The following ZNF69 variants were observed in gnomAD, a reference collection of about 807,000 sequenced individuals.
The protein encoded by ZNF69 is zinc finger protein 69, also known as ZNF3.
In ZNF69, 47 loss-of-function variants were observed where a neutral mutation model predicts 50.9. That is an observed-to-expected ratio of 0.92 (90% CI 0.73 to 1.18). The LOEUF (loss-of-function observed/expected upper bound fraction) is 1.18, where lower values mean the gene tolerates loss of function less well. ZNF69 is among the 50% of genes most tolerant of loss of function. The pLI is 0.00. For synonymous variants in ZNF69, 216 were observed against 223.1 expected, an observed-to-expected ratio of 0.97 and a Z score of 0.29; for missense variants, 717 against 675.1, an observed-to-expected ratio of 1.06 and a Z score of -0.69.
intron 1 of ZNF69, among the ~76,000 whole-genome samples, chr19:11,890,044 T>C (rs527675719): frequency 6.6e-6 from 1 of 152,340 alleles, no homozygotes; most frequent in African/African-American, 2.4e-5. Flanking sequence ...AGGGCGGTTT[T>C]CTCCTATTTC....
the ZNF69 span, among the ~76,000 whole-genome samples, chr19:11,970,175 A>G: frequency 6.6e-6 from 1 of 152,176 alleles, no homozygotes. Flanking sequence ...TGCCAATCGG[A>G]TGTTGCTAAT....
the ZNF69 span, among the ~76,000 whole-genome samples, chr19:11,958,338 G>C: frequency 1.3e-5 from 2 of 152,242 alleles, no homozygotes; most frequent in Non-Finnish European, 1.5e-5. Context: ...AGGGCTTTGA[G>C]TGGCATCTGC....
chr19:11,948,607 G>A, the ZNF69 span: 1 of 1,610,410 alleles, frequency 6.2e-7, no homozygotes. Flanking sequence ...GAAACCCTAT[G>A]CTTGTAAAGT....
At chr19:11,897,871 CA>C (rs564395635) in intron 1 of ZNF69, among the ~76,000 whole-genome samples, 904 of 63,340 alleles carry the variant, frequency 0.014, 3 homozygotes, top group African/African-American at 0.042. Flanking sequence ...GACTCCATCT[CA>C]AAAAAAAAAA....
the ZNF69 span, among the ~76,000 whole-genome samples, chr19:11,933,648 C>T: frequency 6.8e-6 from 1 of 147,958 alleles, no homozygotes; most frequent in Non-Finnish European, 1.5e-5. Context: ...TTCAGACTTG[C>T]TTCCTCGATG....
chr19:11,927,296 G>A, the ZNF69 span, among the ~76,000 whole-genome samples: 1 of 152,002 alleles, frequency 6.6e-6, no homozygotes, highest in African/African-American at 2.4e-5. Flanking sequence ...AGAGGTTGCA[G>A]CCCAGCCGAG....
At chr19:11,979,765 T>C in the ZNF69 span, 11 of 1,585,378 alleles carry the variant, frequency 6.9e-6, no homozygotes, top group African/African-American at 1.4e-5. Flanking sequence ...TTCGAATCCA[T>C]GGTAGAACTC....
the ZNF69 span, among the ~76,000 whole-genome samples, chr19:11,977,829 G>C: frequency 1.3e-5 from 2 of 152,168 alleles, no homozygotes; most frequent in South Asian, 4.1e-4. Context: ...CTGTACTCCA[G>C]GATGGTCACA....
At chr19:11,899,131 A>G (rs73506871) in intron 1 of ZNF69, among the ~76,000 whole-genome samples, 7,488 of 151,990 alleles carry the variant, frequency 0.049, 590 homozygotes, top group African/African-American at 0.16. Context: ...ACCCCTATTT[A>G]TCCCTGGCAA....
chr19:11,965,332 C>T, the ZNF69 span: 5 of 1,391,504 alleles, frequency 3.6e-6, 1 homozygote, highest in South Asian at 4.9e-5. Context: ...ACCGAGTCCT[C>T]CTGGAGCTGC....
chr19:11,934,985 G>C, the ZNF69 span, among the ~76,000 whole-genome samples: 37 of 146,616 alleles, frequency 2.5e-4, no homozygotes, highest in Middle Eastern at 3.4e-3. Flanking sequence ...AGACCATCCT[G>C]GCTAACACTG....
chr19:11,905,187 C>G lies in ZNF69; in HGVS notation c.790C>G (p.Arg264Gly). The G allele has an allele frequency of 6.2e-7, 1 of 1,614,016 alleles. No homozygotes were observed. Among genetic ancestry groups the G allele is most frequent in the African/African-American group, 1.3e-5 (1 of 75,012 alleles). Residue 264 changes from arginine (R) to glycine (G), a missense_variant, in exon 4 of 4, where the codon CGA (arginine) becomes GGA (glycine). Arg to Gly is a moderately radical substitution (Grantham distance 125, BLOSUM62 -2). Coordinates refer to ENST00000429654, the MANE Select transcript of ZNF69 (RefSeq NM_001364730.1). ...ATCCTTTAGTTATTCTGCTACCCTTCGAATACACGAAAGAACTCACACTGG... is the reference window on the plus strand; with the variant it reads ...ATCCTTTAGTTATTCTGCTACCCTTGGAATACACGAAAGAACTCACACTGG... ...GKSFSYSATL[R>G]IHERTHTGEK...
chr19:11,906,016 G>A lies in ZNF69; in HGVS notation c.1619G>A (p.Gly540Glu). The A allele has an allele frequency of 6.2e-7, 1 of 1,613,992 alleles. No homozygotes were observed. Among genetic ancestry groups the A allele is most frequent in the Non-Finnish European group, 8.5e-7 (1 of 1,180,002 alleles). Residue 540 changes from glycine to glutamate, a missense_variant, in exon 4 of 4, where the codon GGG (glycine) becomes GAG (glutamate). Transcript: ENST00000429654. ...GEKPYKCKQC[G>E]KAFRAASVLR... ...AAACCCTATAAATGCAAGCAATGTG[G>A]GAAAGCCTTCAGAGCTGCCTCAGTC...
At chr19:11,898,301 G>A (rs1310869258) in intron 1 of ZNF69, among the ~76,000 whole-genome samples, 1 of 150,306 alleles carries the variant, frequency 6.7e-6, no homozygotes. Flanking sequence ...TTATTATTTA[G>A]AACAGTGGTT....
chr19:11,939,587 C>A, the ZNF69 span, among the ~76,000 whole-genome samples: 2 of 152,104 alleles, frequency 1.3e-5, no homozygotes, highest in Non-Finnish European at 2.9e-5. Context: ...TGGTCTATAT[C>A]TCTGTTTTGG....
In ZNF69 at chr19:11,905,746, G is replaced by A; in HGVS notation, c.1349G>A (p.Gly450Glu). 1 of 1,612,874 alleles carries A rather than the reference G, an allele frequency of 6.2e-7. No individual in the cohort carries two copies. The highest frequency in any genetic ancestry group is 1.1e-5 in the South Asian group (1 of 91,022). The change falls in exon 4 of 4, where the codon GGG becomes GAG. Residue 450 changes from glycine (G) to glutamate (E), a missense_variant. Coordinates refer to ENST00000429654, the MANE Select transcript of ZNF69 (RefSeq NM_001364730.1). The stretch of plus-strand genomic sequence containing the variant: ...AAGCCCTATGAATGTCAGGAATGTG[G>A]GAAAGCCTTCAGATCTATGAAGAAC... ...GEKPYECQEC[G>E]KAFRSMKNLQ...
At chr19:11,963,074 T>TGAGA in the ZNF69 span, among the ~76,000 whole-genome samples, 2 of 134,384 alleles carry the variant, frequency 1.5e-5, no homozygotes, top group South Asian at 2.2e-4. Flanking sequence ...GGTAGTTTGG[T>TGAGA]GAGAGAGAGA....
At chr19:11,913,709 A>G in exon 5 of ZNF69, 1 of 213,014 alleles carries the variant, frequency 4.7e-6, no homozygotes, top group Non-Finnish European at 9.2e-6. Flanking sequence ...TTTTTCATTC[A>G]GTCATAATAC....
the ZNF69 span, among the ~76,000 whole-genome samples, chr19:11,970,961 A>C: frequency 2.6e-5 from 4 of 152,150 alleles, no homozygotes; most frequent in South Asian, 8.3e-4. Flanking sequence ...AAAAAACTAG[A>C]TGCCCTGGTC....
Sources: gnomAD v4.1 joint callset for allele counts (sites outside exome capture counted in the v4.1 genomes callset) on GRCh38, gnomAD v4.1.1 for gene constraint, MANE v1.5 for transcripts, NCBI Gene and HGNC (gene_info 2026-07-23, HGNC 2026-07-21) for gene names.